The following CDH18 variants were observed in gnomAD, a reference collection of about 807,000 sequenced individuals.
CDH18 encodes the protein cadherin 18.
In CDH18, 31 loss-of-function variants were observed where a neutral mutation model predicts 67.9. That is an observed-to-expected ratio of 0.46 (90% CI 0.34 to 0.62). The LOEUF is 0.62. Ranked by LOEUF, CDH18 falls within the 20% of genes least tolerant of loss-of-function variation. The pLI is 0.01. For synonymous variants in CDH18, 362 were observed against 347.2 expected (o/e 1.04, Z -0.48); for missense variants, 890 against 975.5 (o/e 0.91, Z 1.17).
At chr5:20,571,812 G>T (rs928638846) in intron 1 of CDH18, among the ~76,000 whole-genome samples, 2 of 152,026 alleles carry the variant, frequency 1.3e-5, no homozygotes, top group African/African-American at 4.8e-5. Context: ...CTTCTCAAAA[G>T]AAATGTCACT....
chr5:20,070,362 T>G (rs2150524047), intron 2 of CDH18, among the ~76,000 whole-genome samples: 1 of 152,278 alleles, frequency 6.6e-6, no homozygotes, highest in East Asian at 1.9e-4. Context: ...TAAAGGGTTT[T>G]TTTGGTAAGA....
In CDH18 at chr5:19,738,479, G is replaced by C. The variant is rs944245346; in HGVS notation, c.523+8463C>G. 2.7e-4 allele frequency among the ~76,000 whole-genome samples: 41 copies of C among 152,036 alleles called. 1 individual carries two copies. The highest frequency in any genetic ancestry group is 9.9e-4 in the African/African-American group (41 of 41,470). Reference sequence around the variant, plus strand: ...TTAAACTGCCAAGAATCTCTGACTGGTTTGTTTTGTGTTTCAGTTTTCTAC... The same window carrying C: ...TTAAACTGCCAAGAATCTCTGACTGCTTTGTTTTGTGTTTCAGTTTTCTAC... On this transcript the variant is annotated intron_variant, in intron 4 of 12. Transcript: ENST00000382275.
chr5:19,701,889 T>C (rs1230210072), intron 5 of CDH18, among the ~76,000 whole-genome samples: 1 of 152,130 alleles, frequency 6.6e-6, no homozygotes, highest in Non-Finnish European at 1.5e-5. Context: ...TATAAGTAAC[T>C]AAAATTTCTA....
At chr5:20,212,725 T>C (rs537937961) in intron 2 of CDH18, among the ~76,000 whole-genome samples, 2 of 152,184 alleles carry the variant, frequency 1.3e-5, no homozygotes, top group South Asian at 4.2e-4. Context: ...ATATCTTAAA[T>C]TTTAAAATAC....
At position 20,166,583 on chromosome 5, in the gene CDH18, T is replaced by G. The variant is rs115105782; in HGVS notation, c.-518+88861A>C. 5.8e-3 allele frequency among the ~76,000 whole-genome samples: 880 copies of G among 152,232 alleles called. 10 individuals carry two copies. The highest frequency in any genetic ancestry group is 0.02 in the African/African-American group (843 of 41,540). ...ATGAGTAAGAGTCACCTCGAAAGCA[T>G]GACAAATTCAGATTCCCAGGTGCCG... On this transcript the variant is annotated intron_variant, in intron 2 of 14. Coordinates refer to the CDH18 transcript ENST00000507958.
intron 5 of CDH18, among the ~76,000 whole-genome samples, chr5:19,676,391 TAGAC>T (rs2081146190): frequency 1.3e-5 from 2 of 151,976 alleles, no homozygotes; most frequent in African/African-American, 2.4e-5. Context: ...TATGGGTAGT[TAGAC>T]AGGCAGGAGC....
At chr5:20,293,063 T>C (rs2149947138) in intron 1 of CDH18, among the ~76,000 whole-genome samples, 2 of 152,278 alleles carry the variant, frequency 1.3e-5, no homozygotes, top group Middle Eastern at 6.8e-3. Context: ...ACGCCTGTAA[T>C]CCCAGCACTT....
intron 2 of CDH18, among the ~76,000 whole-genome samples, chr5:19,852,670 G>A (rs1783839749): frequency 6.6e-6 from 1 of 151,964 alleles, no homozygotes; most frequent in Admixed American, 6.6e-5. Context: ...ATAAATTAGG[G>A]AGGCTGCAAA....
chr5:20,414,991 A>G (rs144198200), intron 1 of CDH18, among the ~76,000 whole-genome samples: 3 of 152,348 alleles, frequency 2.0e-5, no homozygotes, highest in African/African-American at 7.2e-5. Flanking sequence ...CTGAGTATTT[A>G]CCAAAAAAAA....
At chr5:20,512,884 CAAA>C (rs71695578) in intron 1 of CDH18, among the ~76,000 whole-genome samples, 137 of 125,810 alleles carry the variant, frequency 1.1e-3, no homozygotes, top group African/African-American at 1.3e-3. Flanking sequence ...ACTCTGTCTC[CAAA>C]AAAAAAAAAA....
Position 19,591,208 on chromosome 5 carries a change from A to G in CDH18, c.848T>C (p.Val283Ala). 1.2e-6 allele frequency: 2 copies of G among 1,612,054 alleles called. No homozygotes were observed. Among genetic ancestry groups the G allele is most frequent in the African/African-American group, 1.3e-5 (1 of 74,964 alleles). The change falls in exon 7 of 13, where the codon GTT becomes GCT. Residue 283 changes from valine to alanine, a missense_variant. Physicochemically the swap from Val to Ala is moderately conservative, Grantham distance 64 (BLOSUM62 0). Transcript: ENST00000382275. ...CTTGATTTTCCCAACAGCTGAACCA[A>G]CTTGAGCTGACTCAGGAACATATAG... ...YQLYVPESAQVGSAVGKIKAN... is the reference protein window; with the variant it reads ...YQLYVPESAQAGSAVGKIKAN...
At chr5:20,242,882 AT>A (rs1382770128) in intron 2 of CDH18, among the ~76,000 whole-genome samples, 6 of 151,688 alleles carry the variant, frequency 4.0e-5, no homozygotes, top group Non-Finnish European at 8.8e-5. Flanking sequence ...CTACTTTGCC[AT>A]TTTTAGTAAA....
At chr5:19,626,023 A>G (rs1331926896) in intron 5 of CDH18, among the ~76,000 whole-genome samples, 2 of 152,130 alleles carry the variant, frequency 1.3e-5, no homozygotes, top group Non-Finnish European at 2.9e-5. Context: ...CTTTAGCTGA[A>G]CTAAGGAAAA....
intron 1 of CDH18, among the ~76,000 whole-genome samples, chr5:20,363,237 C>CCTGT (rs1742231620): frequency 6.6e-6 from 1 of 152,106 alleles, no homozygotes; most frequent in Non-Finnish European, 1.5e-5. Context: ...GTAATCCCAG[C>CCTGT]ACTTTGGGAG....
intron 1 of CDH18, among the ~76,000 whole-genome samples, chr5:20,524,506 C>T (rs960803219): frequency 6.6e-6 from 1 of 151,994 alleles, no homozygotes; most frequent in African/African-American, 2.4e-5. Flanking sequence ...AATATGTGTA[C>T]ATTATCATTA....
chr5:19,567,851 CATGTTT>C (rs1259075107), intron 8 of CDH18, among the ~76,000 whole-genome samples: 2 of 152,050 alleles, frequency 1.3e-5, no homozygotes, highest in African/African-American at 4.8e-5. Flanking sequence ...CAGGAGAGTG[CATGTTT>C]CATATGAGTG....
chr5:20,523,076 A>T (rs1755840749), intron 1 of CDH18, among the ~76,000 whole-genome samples: 1 of 152,162 alleles, frequency 6.6e-6, no homozygotes, highest in African/African-American at 2.4e-5. Flanking sequence ...ACTGCAGTTC[A>T]TTTTTATGCA....
chr5:20,178,501 A>G (rs1324358958), intron 2 of CDH18, among the ~76,000 whole-genome samples: 1 of 150,726 alleles, frequency 6.6e-6, no homozygotes, highest in African/African-American at 2.5e-5. Flanking sequence ...GTTCTAATTA[A>G]GAAAAAAAAA....
intron 8 of CDH18, among the ~76,000 whole-genome samples, chr5:19,564,234 G>C (rs995520938): frequency 1.3e-5 from 2 of 152,182 alleles, no homozygotes; most frequent in African/African-American, 4.8e-5. Context: ...GACATAGTGA[G>C]AAGCCAGCTG....
Sources: gnomAD v4.1 joint callset for allele counts (sites outside exome capture counted in the v4.1 genomes callset) on GRCh38, gnomAD v4.1.1 for gene constraint, MANE v1.5 for transcripts, NCBI Gene and HGNC (gene_info 2026-07-23, HGNC 2026-07-21) for gene names.